Variants in ELOVL5 observed in about 807,000 individuals in gnomAD.
ELOVL5 encodes ELOVL fatty acid elongase 5, also known as very long chain fatty acid elongase 5.
ELOVL5 carries 8 observed loss-of-function variants against 38.6 expected under a neutral mutation model. The observed-to-expected ratio is 0.21, with a 90% confidence interval of 0.12 to 0.37. The LOEUF (loss-of-function observed/expected upper bound fraction) is 0.37, where lower values mean the gene tolerates loss of function less well. Among genes scored for constraint, ELOVL5 ranks in the 10% least tolerant of loss-of-function variants. The pLI, the probability that ELOVL5 is intolerant of heterozygous loss-of-function variation, is 1.00. For synonymous variants in ELOVL5, 127 were observed against 133.7 expected (o/e 0.95, Z 0.34); for missense variants, 280 against 367.8 (o/e 0.76, Z 1.95).
At chr6:53,274,565 C>T (rs1031667918) in intron 5 of ELOVL5, among the ~76,000 whole-genome samples, 4 of 152,128 alleles carry the variant, frequency 2.6e-5, no homozygotes, top group Admixed American at 2.6e-4. Flanking sequence ...ACAAGCTTTC[C>T]AAAAACCAAG....
chr6:53,309,400 G>A (rs1043013653), intron 1 of ELOVL5, among the ~76,000 whole-genome samples: 1 of 152,130 alleles, frequency 6.6e-6, no homozygotes, highest in African/African-American at 2.4e-5. Context: ...CTGAACACTG[G>A]TTGAGAAACG....
chr6:53,291,310 C>A (rs1766767224), intron 3 of ELOVL5, among the ~76,000 whole-genome samples: 1 of 152,298 alleles, frequency 6.6e-6, no homozygotes, highest in African/African-American at 2.4e-5. Context: ...TGAGATTTGA[C>A]AAGTTATCCA....
chr6:53,274,213 A>C (rs960238492), intron 5 of ELOVL5, among the ~76,000 whole-genome samples: 3 of 149,592 alleles, frequency 2.0e-5, no homozygotes, highest in Non-Finnish European at 4.4e-5. Context: ...TAGGTCAGTT[A>C]ATCCACCATC....
chr6:53,343,765 CA>C (rs1769426705), intron 1 of ELOVL5, among the ~76,000 whole-genome samples: 3 of 152,216 alleles, frequency 2.0e-5, no homozygotes, highest in Admixed American at 6.5e-5. Flanking sequence ...CCAATCTTCT[CA>C]AATTACTTCA....
chr6:53,278,679 C>T (rs959094152), intron 3 of ELOVL5, among the ~76,000 whole-genome samples: 2 of 152,124 alleles, frequency 1.3e-5, no homozygotes, highest in Admixed American at 6.5e-5. Flanking sequence ...GCTGCTCACT[C>T]GGTGCCACTC....
intron 7 of ELOVL5, 48 bp downstream of exon 7, chr6:53,270,545 G>A (rs1394707556): frequency 1.1e-5 from 17 of 1,598,868 alleles, no homozygotes; most frequent in Non-Finnish European, 1.4e-5. Flanking sequence ...GAGGGCCTTT[G>A]TTGGTAAAGG....
At chr6:53,314,017 C>A (rs992342581) in intron 1 of ELOVL5, among the ~76,000 whole-genome samples, 7 of 152,196 alleles carry the variant, frequency 4.6e-5, no homozygotes, top group African/African-American at 1.7e-4. Flanking sequence ...AATTATCCAG[C>A]AAGATTAGAT....
At chr6:53,323,107 G>A (rs1418613179) in intron 1 of ELOVL5, among the ~76,000 whole-genome samples, 1 of 152,116 alleles carries the variant, frequency 6.6e-6, no homozygotes, top group Non-Finnish European at 1.5e-5. Flanking sequence ...CTGAATGTTG[G>A]CTCCACAACC....
At chr6:53,277,782 T>C (rs1766197327) in intron 3 of ELOVL5, 2 of 152,344 alleles carry the variant, frequency 1.3e-5, no homozygotes, top group South Asian at 4.1e-4. Context: ...CAAAGTGCGT[T>C]GGAGGTCGGG....
At chr6:53,328,544 T>C (rs1336300416) in intron 1 of ELOVL5, among the ~76,000 whole-genome samples, 1 of 152,200 alleles carries the variant, frequency 6.6e-6, no homozygotes, top group East Asian at 1.9e-4. Flanking sequence ...AAAGGTTAAA[T>C]GGTTACATAA....
In ELOVL5 at chr6:53,295,830, T is replaced by C. The variant is rs1408418775; in HGVS notation, c.-8-123A>G. ...TACAGACAAGGTTAAGTTCAGTTCC[T>C]TAGGTTAAAAGAATTTAATTCACAG... On this transcript the variant is annotated intron_variant, in intron 1 of 7. Transcript: ENST00000304434. 3 of 589,756 alleles carry C rather than the reference T, an allele frequency of 5.1e-6. No homozygotes were observed. The Admixed American group carries it at 1.2e-4, about 23-fold the overall frequency. The allele number at this position is 589,756 out of a possible 1,614,324, so 36.5% of individuals were successfully genotyped here.
At position 53,295,575 on chromosome 6, in the gene ELOVL5, T is replaced by C. The variant is rs1766959020; in HGVS notation, c.58+67A>G. The C allele has an allele frequency of 8.9e-6, 9 of 1,015,992 alleles. No homozygotes were observed. In the South Asian group the frequency reaches 1.2e-4, roughly 13 times the overall value. 62.9% of individuals were successfully genotyped at this position (1,015,992 alleles called of 1,614,324 possible). On this transcript the variant is annotated intron_variant, in intron 2 of 7. Transcript: ENST00000304434. ...CATTTTCTACTATCTCCTCATGCAA[T>C]ATTTACAAGGGACTATAGGCAGGGA...
chr6:53,348,681 C>T (rs113274699), intron 1 of ELOVL5, 136 bp downstream of exon 1: 39,345 of 352,370 alleles, frequency 0.11, 2,673 homozygotes, highest in African/African-American at 0.21. Flanking sequence ...CGCGGGTTGC[C>T]CCGGCAGCTC....
At position 53,316,491 on chromosome 6, in the gene ELOVL5, G is replaced by A. The variant is rs1469012115; in HGVS notation, c.-8-20784C>T. On this transcript the variant is annotated intron_variant, in intron 1 of 7. Transcript: ENST00000304434. ...AGTGAAAAACAATGTTGGAGAAGGA[G>A]GTAAGAGCTCCAGAGTTTGTTTTTA... is the stretch of plus-strand genomic sequence containing the variant. Among the ~76,000 whole-genome samples, 4 of 152,002 alleles carry A rather than the reference G, an allele frequency of 2.6e-5. No homozygotes were observed. The East Asian group carries it at 5.8e-4, about 22-fold the overall frequency.
chr6:53,274,871 G>T (rs1008920569), intron 5 of ELOVL5, among the ~76,000 whole-genome samples: 3 of 152,086 alleles, frequency 2.0e-5, no homozygotes, highest in South Asian at 2.1e-4. Flanking sequence ...TGTCCCCAGT[G>T]GTATCTCCCT....
intron 2 of ELOVL5, among the ~76,000 whole-genome samples, chr6:53,293,316 T>C (rs1766846211): frequency 1.3e-5 from 2 of 152,128 alleles, no homozygotes; most frequent in Non-Finnish European, 2.9e-5. Context: ...TTTTTTATTA[T>C]TCATTTATTT....
At chr6:53,312,349 G>A (rs1212320324) in intron 1 of ELOVL5, among the ~76,000 whole-genome samples, 2 of 152,094 alleles carry the variant, frequency 1.3e-5, no homozygotes, top group African/African-American at 2.4e-5. Context: ...TCCACACCAC[G>A]GAACGTTACT....
rs556104606 is a variant in ELOVL5, at chr6:53,322,356, G to T, written c.-9+26461C>A. On this transcript the variant is annotated intron_variant, in intron 1 of 7. Transcript: ENST00000304434. ...ATATACAACGTTTCGCAGAAGACAGGCTATTTTTGCTAATCAGTAGCTGAG... is the reference window on the plus strand; with the variant it reads ...ATATACAACGTTTCGCAGAAGACAGTCTATTTTTGCTAATCAGTAGCTGAG... Among the ~76,000 whole-genome samples the T allele has an allele frequency of 7.9e-5, 12 of 152,176 alleles. No homozygotes were observed. In the South Asian group the frequency reaches 2.1e-3, roughly 26 times the overall value.
At chr6:53,310,536 A>C (rs1390931649) in intron 1 of ELOVL5, among the ~76,000 whole-genome samples, 1 of 152,178 alleles carries the variant, frequency 6.6e-6, no homozygotes, top group Non-Finnish European at 1.5e-5. Flanking sequence ...TCACAAAGTT[A>C]AGTTACTTAA....
Sources: allele counts gnomAD v4.1 joint callset (sites outside exome capture counted in the v4.1 genomes callset), GRCh38; gene constraint gnomAD v4.1.1; transcripts MANE v1.5; gene names NCBI Gene and HGNC (gene_info 2026-07-23, HGNC 2026-07-21).